Variants in ANKAR observed in about 807,000 individuals in gnomAD.
ANKAR encodes ankyrin and armadillo repeat containing, also known as ankyrin and armadillo repeat-containing protein.
Under a neutral mutation model 146.2 loss-of-function variants are expected in ANKAR, and 136 were observed. That is an observed-to-expected ratio of 0.93 (90% CI 0.81 to 1.07). The LOEUF is 1.07. ANKAR is among the 50% of genes least tolerant of loss of function. The probability of loss-of-function intolerance (pLI) is 0.00; values close to 1 mark genes in which losing one functional copy is unlikely to be tolerated. For missense variants in ANKAR, 1,567 were observed against 1,679.9 expected, an observed-to-expected ratio of 0.93 and a Z score of 1.18; for synonymous variants, 500 against 575.8, an observed-to-expected ratio of 0.87 and a Z score of 1.88.
rs908167998 is a variant in ANKAR at position 189,705,083 on chromosome 2, T to C, written c.1769T>C (p.Leu590Pro). 33 of 1,614,032 alleles carry C rather than the reference T, an allele frequency of 2.0e-5. No homozygotes were observed. Among genetic ancestry groups the C allele is most frequent in the Non-Finnish European group, 2.7e-5 (32 of 1,180,018 alleles). ...ACSLETTVCL[L>P]CSKADYTLSE... Reference sequence around the variant, plus strand: ...TCATTAGAAACAACAGTTTGTCTACTGTGTTCCAAAGCTGATTACACGCTT... The same window carrying C: ...TCATTAGAAACAACAGTTTGTCTACCGTGTTCCAAAGCTGATTACACGCTT... Residue 590 changes from leucine to proline, a missense_variant, in exon 8 of 23, where the codon CTG becomes CCG. Coordinates refer to ENST00000684021, the MANE Select transcript of ANKAR (RefSeq NM_001378068.1).
At chr2:189,721,438 C>T (rs1187354379) in intron 12 of ANKAR, among the ~76,000 whole-genome samples, 1 of 152,122 alleles carries the variant, frequency 6.6e-6, no homozygotes, top group Non-Finnish European at 1.5e-5. Flanking sequence ...AGAGTATATG[C>T]TACCTTGGGT....
At chr2:189,752,838 C>A in intron 18 of ANKAR, 1 of 1,613,480 alleles carries the variant, frequency 6.2e-7, no homozygotes, top group Non-Finnish European at 8.5e-7. Flanking sequence ...CACGTATATC[C>A]TGTGGCTTAC....
intron 2 of ANKAR, among the ~76,000 whole-genome samples, chr2:189,686,216 T>G (rs772661964): frequency 1.3e-5 from 2 of 152,106 alleles, no homozygotes; most frequent in Non-Finnish European, 2.9e-5. Context: ...AAAAAAGATT[T>G]GAGAAAGAAA....
In ANKAR at chr2:189,676,688, C is replaced by T. The variant is rs1330248875; in HGVS notation, c.198C>T (p.Asp66=). 1 of 1,614,164 alleles carries T rather than the reference C, an allele frequency of 6.2e-7. No individual in the cohort carries two copies. Among genetic ancestry groups the T allele is most frequent in the Admixed American group, 1.7e-5 (1 of 60,022 alleles). ...AAGAGGATGTGCGCTCTCAAGTAGA[C>T]CTCCCATGTGGAATTATGAGTCAAA... ...SAKEDVRSQV[D]LPCGIMSQMN... The change falls in exon 2 of 23, where the codon GAC becomes GAT. Residue 66 remains aspartate (D), a synonymous_variant. Coordinates refer to ENST00000684021, the MANE Select transcript of ANKAR (RefSeq NM_001378068.1).
chr2:189,747,138 C>A (rs1232631496), downstream of ANKAR: 1 of 152,966 alleles, frequency 6.5e-6, no homozygotes, highest in Non-Finnish European at 1.5e-5. Context: ...CAGTTCAGGA[C>A]CAGCCCGGGC....
intron 5 of ANKAR, among the ~76,000 whole-genome samples, chr2:189,694,390 G>A (rs1356822227): frequency 1.3e-5 from 2 of 152,112 alleles, no homozygotes; most frequent in Non-Finnish European, 2.9e-5. Context: ...GGGAAGGGGA[G>A]GAAGGTCGCC....
At chr2:189,744,439 AT>A (rs2043769484) in intron 21 of ANKAR, among the ~76,000 whole-genome samples, 2 of 152,222 alleles carry the variant, frequency 1.3e-5, no homozygotes, top group African/African-American at 4.8e-5. Flanking sequence ...AATTAGAAAA[AT>A]ATACCCCTTT....
At position 189,675,342 on chromosome 2, in the gene ANKAR, A is replaced by C. The variant is rs184547550; in HGVS notation, c.-36+512A>C. Among the ~76,000 whole-genome samples, 8 of 152,186 alleles carry C rather than the reference A, an allele frequency of 5.3e-5. 1 individual carries two copies. In the East Asian group the frequency reaches 1.5e-3, roughly 29 times the overall value. On this transcript the variant is annotated intron_variant, in intron 1 of 22. Transcript: ENST00000684021. ...AGGCATTCATTGGCACAGAAATTGA[A>C]GGTTAAGCAAATGCTTCTTTCCTTT... is the stretch of plus-strand genomic sequence containing the variant.
intron 18 of ANKAR, among the ~76,000 whole-genome samples, chr2:189,759,424 G>A (rs2046638816): frequency 6.6e-6 from 1 of 151,896 alleles, no homozygotes; most frequent in African/African-American, 2.4e-5. Context: ...AATTTTTTTT[G>A]TATTTTTAGT....
chr2:189,755,297 T>G, intron 18 of ANKAR: 1 of 1,613,450 alleles, frequency 6.2e-7, no homozygotes, highest in Non-Finnish European at 8.5e-7. Context: ...AAAAGGAAAT[T>G]CTACTTTATT....
At chr2:189,745,367 A>G (rs2044008708) in intron 22 of ANKAR, among the ~76,000 whole-genome samples, 1 of 152,156 alleles carries the variant, frequency 6.6e-6, no homozygotes, top group Non-Finnish European at 1.5e-5. Context: ...TTCTCAAACC[A>G]TGCATAGAAG....
In ANKAR at chr2:189,705,217, A is replaced by T. The variant is rs758353319; in HGVS notation, c.1903A>T (p.Thr635Ser). 9.9e-6 allele frequency: 16 copies of T among 1,613,874 alleles called. No homozygotes were observed. In the Admixed American group the frequency reaches 2.7e-4, roughly 27 times the overall value. ...KDPSLLEAEATAENQCTPLLL... is the reference protein window; with the variant it reads ...KDPSLLEAEASAENQCTPLLL... ...TCCTAGTTTGCTAGAAGCTGAGGCA[A>T]CAGCTGAGTAAGTCATTAAGCATTT... Residue 635 changes from threonine to serine, a missense_variant, in exon 8 of 23, where the codon ACA becomes TCA. By Grantham distance (58) the Thr-to-Ser change is moderately conservative (BLOSUM62 1). Transcript: ENST00000684021.
chr2:189,697,504 T>C (rs1287674605), intron 7 of ANKAR, among the ~76,000 whole-genome samples: 1 of 152,186 alleles, frequency 6.6e-6, no homozygotes, highest in Non-Finnish European at 1.5e-5. Flanking sequence ...CCGTATTGAA[T>C]ATCCATAAAT....
At chr2:189,754,100 A>G in intron 18 of ANKAR, 1 of 1,612,016 alleles carries the variant, frequency 6.2e-7, no homozygotes, top group Non-Finnish European at 8.5e-7. Flanking sequence ...GGCACAATCC[A>G]GGAATATTTA....
chr2:189,690,886 G>A (rs1316818722), intron 3 of ANKAR, among the ~76,000 whole-genome samples: 2 of 152,132 alleles, frequency 1.3e-5, no homozygotes, highest in African/African-American at 2.4e-5. Context: ...TATGACTAAC[G>A]TTAATAGTTA....
intron 20 of ANKAR, 45 bp downstream of exon 20, chr2:189,741,496 A>G (rs1211085897): frequency 1.4e-6 from 2 of 1,442,194 alleles, no homozygotes; most frequent in Non-Finnish European, 1.9e-6. Flanking sequence ...TATGCTAAAA[A>G]TATAATTTAC....
intron 12 of ANKAR, among the ~76,000 whole-genome samples, chr2:189,727,159 A>C (rs2041965243): frequency 6.6e-6 from 1 of 152,164 alleles, no homozygotes; most frequent in Admixed American, 6.5e-5. Flanking sequence ...ATATAGGAGA[A>C]TGTTTAGAAT....
intron 2 of ANKAR, among the ~76,000 whole-genome samples, chr2:189,681,626 G>A (rs2034697652): frequency 6.6e-6 from 1 of 152,176 alleles, no homozygotes. Flanking sequence ...TATTGGCACT[G>A]AGCAATCAGA....
downstream of ANKAR, chr2:189,761,457 C>T: frequency 6.2e-7 from 1 of 1,611,682 alleles, no homozygotes; most frequent in Non-Finnish European, 8.5e-7. Context: ...ATTGCTTCTC[C>T]CAACACATTT....
Sources: allele counts gnomAD v4.1 joint callset (sites outside exome capture counted in the v4.1 genomes callset), GRCh38; gene constraint gnomAD v4.1.1; transcripts MANE v1.5; gene names NCBI Gene and HGNC (gene_info 2026-07-23, HGNC 2026-07-21).